The following XPO4 variants were observed in gnomAD, a reference collection of about 807,000 sequenced individuals.
XPO4 encodes exportin-4.
Under a neutral mutation model 143.0 loss-of-function variants are expected in XPO4, and 39 were observed. That is an observed-to-expected ratio of 0.27 (90% CI 0.21 to 0.36). The LOEUF (loss-of-function observed/expected upper bound fraction) is 0.36. Ranked by LOEUF, XPO4 falls within the 10% of genes least tolerant of loss-of-function variation. XPO4 has a pLI of 1.00. For synonymous variants in XPO4, 439 were observed against 474.0 expected, an observed-to-expected ratio of 0.93 and a Z score of 0.96; for missense variants, 907 against 1,348.0, an observed-to-expected ratio of 0.67 and a Z score of 5.12.
At chr13:20,845,441 A>G (rs2060020813) in intron 4 of XPO4, among the ~76,000 whole-genome samples, 1 of 152,242 alleles carries the variant, frequency 6.6e-6, no homozygotes, top group African/African-American at 2.4e-5. Context: ...TTCAAAATAT[A>G]CATGACTTAA....
rs960032243 is a variant in XPO4, at chr13:20,781,878, GT to G, written c.*1843del. 1 of 151,426 alleles carries G rather than the reference GT, an allele frequency of 6.6e-6. No individual in the cohort carries two copies. Among genetic ancestry groups the G allele is most frequent in the Non-Finnish European group, 1.5e-5 (1 of 67,878 alleles). 9.4% of individuals were successfully genotyped at this position (151,426 alleles called of 1,614,324 possible). ...AGATTACTGCTGCATATCACTTCAA[GT>G]TTTTTAAGGGGAAAAAAAAAACACC... On this transcript the variant is annotated 3_prime_UTR_variant, in exon 23 of 23. Transcript: ENST00000255305.
chr13:20,856,746 C>A, intron 3 of XPO4: 2 of 763,834 alleles, frequency 2.6e-6, no homozygotes, highest in Non-Finnish European at 3.2e-6. Context: ...CCCTTCCACA[C>A]ACACGCACAA....
intron 18 of XPO4, among the ~76,000 whole-genome samples, chr13:20,792,890 C>T (rs2059305821): frequency 1.3e-5 from 2 of 151,982 alleles, no homozygotes; most frequent in Admixed American, 6.6e-5. Context: ...CAGGTTCAAG[C>T]GATTCTCCTG....
intron 6 of XPO4, among the ~76,000 whole-genome samples, chr13:20,836,344 T>C (rs2138034217): frequency 6.6e-6 from 1 of 152,380 alleles, no homozygotes; most frequent in Middle Eastern, 3.4e-3. Context: ...ACAGACGATG[T>C]TGACTACCTG....
At chr13:20,865,033 T>C (rs773583901) in intron 2 of XPO4, among the ~76,000 whole-genome samples, 1 of 152,178 alleles carries the variant, frequency 6.6e-6, no homozygotes, top group African/African-American at 2.4e-5. Context: ...AGCCTACCAG[T>C]ATGAAATTAG....
chr13:20,792,873 C>T lies in XPO4; in HGVS notation c.2798-2293G>A, dbSNP rs562269629. 7.9e-4 allele frequency among the ~76,000 whole-genome samples: 120 copies of T among 152,116 alleles called. 1 individual carries two copies. The highest frequency in any genetic ancestry group is 2.9e-3 in the African/African-American group (119 of 41,560). On this transcript the variant is annotated intron_variant, in intron 18 of 22. Transcript: ENST00000255305. ...CAATCTCAGCTCACTGCAACCTCCT[C>T]TCTTCCCAGGTTCAAGCGATTCTCC...
In XPO4 at chr13:20,799,033, A is replaced by AAAAAGAAAG; in HGVS notation, c.2322+131_2322+132insCTTTCTTTT. On this transcript the variant is annotated intron_variant, in intron 16 of 22. Transcript: ENST00000255305. ...AAGACCCTATCTCAGAAAAAAAAAA[A>AAAAAGAAAG]AAAGAAAGAAAGAAAGAAAGAAAAG... 4.0e-6 allele frequency: 4 copies of AAAAAGAAAG among 992,520 alleles called. No homozygotes were observed. In the South Asian group the frequency reaches 8.2e-5, roughly 20 times the overall value. The allele number at this position is 992,520 out of a possible 1,614,324, so 61.5% of individuals were successfully genotyped here. A position where few individuals can be genotyped will look rare whatever the true frequency, so the allele number is the denominator to read the frequency against.
chr13:20,858,332 T>C (rs1191431669), intron 3 of XPO4, among the ~76,000 whole-genome samples: 3 of 152,210 alleles, frequency 2.0e-5, no homozygotes, highest in East Asian at 3.8e-4. Context: ...ATGCCAATTA[T>C]ATCAAGAGTA....
intron 9 of XPO4, among the ~76,000 whole-genome samples, chr13:20,814,293 CATAAAAGTATAACTAAAAA>C (rs1227804021): frequency 1.3e-5 from 2 of 150,862 alleles, no homozygotes; most frequent in Non-Finnish European, 2.9e-5. Flanking sequence ...TATTCATATA[CATAAAAGTATAACTAAAAA>C]GTAAAAGTCT....
rs910145407 is a variant in XPO4, at chr13:20,781,694, T to G, written c.*2028A>C. On this transcript the variant is annotated 3_prime_UTR_variant, in exon 23 of 23. Coordinates refer to ENST00000255305, the MANE Select transcript of XPO4 (RefSeq NM_022459.5). Reference sequence around the variant, plus strand: ...AGTTTTAATAACTTGATTATAGTTTTGTCATGGCGCGTGGACCTGTCCAGT... The same window carrying G: ...AGTTTTAATAACTTGATTATAGTTTGGTCATGGCGCGTGGACCTGTCCAGT... 2 of 152,182 alleles carry G rather than the reference T, an allele frequency of 1.3e-5. No individual in the cohort carries two copies. The highest frequency in any genetic ancestry group is 4.8e-5 in the African/African-American group (2 of 41,432). 9.4% of individuals were successfully genotyped at this position (152,182 alleles called of 1,614,324 possible).
In XPO4 at chr13:20,803,483, C is replaced by T. The variant is rs1234088217; in HGVS notation, c.1818-2493G>A. On this transcript the variant is annotated intron_variant, in intron 13 of 22. Transcript: ENST00000255305. The surrounding 1 kb of genome is among the most constrained non-coding windows in gnomAD (Gnocchi z 4.1). ...GCACCCAGGGGCCTTTCTTCTACCT[C>T]AGAAATACCTCTCATAACCCAAGAA... 6.6e-6 allele frequency among the ~76,000 whole-genome samples: 1 copy of T among 152,194 alleles called. No individual in the cohort carries two copies. Among genetic ancestry groups the T allele is most frequent in the East Asian group, 1.9e-4 (1 of 5,190 alleles).
chr13:20,830,762 G>A (rs1324843428), intron 6 of XPO4, among the ~76,000 whole-genome samples: 1 of 152,138 alleles, frequency 6.6e-6, no homozygotes, highest in Non-Finnish European at 1.5e-5. Context: ...TTATCAGACT[G>A]TACCATGAAA....
chr13:20,869,412 GGTTTA>G, intron 1 of XPO4: 16 of 564,188 alleles, frequency 2.8e-5, no homozygotes, highest in Non-Finnish European at 3.6e-5. Context: ...CCTGTTACAT[GGTTTA>G]GTTAACTTTT....
chr13:20,856,132 T>A (rs2060140884), intron 3 of XPO4, among the ~76,000 whole-genome samples: 1 of 151,704 alleles, frequency 6.6e-6, no homozygotes, highest in Non-Finnish European at 1.5e-5. Context: ...GTAAGTCAGC[T>A]CCCTGTTAAA....
intron 1 of XPO4, among the ~76,000 whole-genome samples, chr13:20,888,245 A>G (rs527373399): frequency 9.2e-5 from 14 of 152,216 alleles, no homozygotes; most frequent in African/African-American, 3.1e-4. Flanking sequence ...GAGAGAGGCA[A>G]TAACTAAATA....
intron 18 of XPO4, 63 bp downstream of exon 18, chr13:20,796,013 T>A: frequency 6.8e-7 from 1 of 1,461,882 alleles, no homozygotes; most frequent in Non-Finnish European, 9.3e-7. Flanking sequence ...CAGAAAACAA[T>A]CCTTTGATTT....
At chr13:20,896,709 ATT>A (rs2060573188) in intron 1 of XPO4, among the ~76,000 whole-genome samples, 1 of 152,162 alleles carries the variant, frequency 6.6e-6, no homozygotes, top group Non-Finnish European at 1.5e-5. Context: ...ATCTGCACTT[ATT>A]CCCATTTTTT....
At chr13:20,868,539 A>T (rs2060264528) in intron 2 of XPO4, 57 bp downstream of exon 2, 1 of 1,571,744 alleles carries the variant, frequency 6.4e-7, no homozygotes. Context: ...TGTTTAAGAC[A>T]GCAAACCCAG....
At chr13:20,801,225 T>C (rs2059428297) in intron 13 of XPO4, among the ~76,000 whole-genome samples, 1 of 152,190 alleles carries the variant, frequency 6.6e-6, no homozygotes, top group Non-Finnish European at 1.5e-5. Context: ...GTCCTTCTGC[T>C]GAAGTTGTAA....
Sources: allele counts gnomAD v4.1 joint callset (sites outside exome capture counted in the v4.1 genomes callset), GRCh38; gene constraint gnomAD v4.1.1; non-coding constraint Gnocchi (gnomAD v3.1); transcripts MANE v1.5; gene names NCBI Gene and HGNC (gene_info 2026-07-23, HGNC 2026-07-21).